The following CDKAL1 variants were observed in gnomAD, a reference collection of about 807,000 sequenced individuals.
CDKAL1 encodes threonylcarbamoyladenosine tRNA methylthiotransferase.
A neutral mutation model predicts 68.2 loss-of-function variants in CDKAL1; 32 were observed. The ratio of observed to expected loss-of-function variants is 0.47; its 90% confidence interval spans 0.35 to 0.63. The LOEUF (loss-of-function observed/expected upper bound fraction) is 0.63, where lower values mean the gene tolerates loss of function less well. CDKAL1 is among the 30% of genes least tolerant of loss of function. The pLI, the probability that CDKAL1 is intolerant of heterozygous loss-of-function variation, is 0.00. For missense variants in CDKAL1, 606 were observed against 696.7 expected (o/e 0.87, Z 1.47); for synonymous variants, 234 against 244.3 (o/e 0.96, Z 0.39).
At chr6:21,088,211 G>A (rs772318108) in intron 12 of CDKAL1, among the ~76,000 whole-genome samples, 3 of 152,066 alleles carry the variant, frequency 2.0e-5, no homozygotes, top group South Asian at 2.1e-4. Flanking sequence ...AGAGAAAAAC[G>A]GGTTCAAAAA....
chr6:20,878,466 G>A (rs1380218579), intron 9 of CDKAL1, among the ~76,000 whole-genome samples: 1 of 152,216 alleles, frequency 6.6e-6, no homozygotes, highest in Non-Finnish European at 1.5e-5. Flanking sequence ...GCGGCCAGGT[G>A]CAGTGGCTCA....
intron 8 of CDKAL1, among the ~76,000 whole-genome samples, chr6:20,798,676 C>T (rs1047566086): frequency 3.3e-5 from 5 of 149,980 alleles, no homozygotes; most frequent in Non-Finnish European, 7.4e-5. Context: ...GAAAACCAAA[C>T]ACCGCATGTT....
intron 13 of CDKAL1, among the ~76,000 whole-genome samples, chr6:21,132,580 A>G (rs758953412): frequency 3.3e-5 from 5 of 152,168 alleles, no homozygotes; most frequent in African/African-American, 4.8e-5. Flanking sequence ...ATTATCTCAC[A>G]TGCCAAGTTA....
In CDKAL1 at chr6:20,816,010, C is replaced by G. The variant is rs545708526; in HGVS notation, c.639-30065C>G. 1.4e-4 allele frequency among the ~76,000 whole-genome samples: 22 copies of G among 152,260 alleles called. No individual in the cohort carries two copies. The South Asian group carries it at 4.6e-3, about 32-fold the overall frequency. ...AGCTATAGGAGAGAATCCTTTCTTG[C>G]TGCTTCTAGCTTCTGCTCATTGCTA... On this transcript the variant is annotated intron_variant, in intron 8 of 15. Coordinates refer to ENST00000274695, the MANE Select transcript of CDKAL1 (RefSeq NM_017774.3).
intron 12 of CDKAL1, among the ~76,000 whole-genome samples, chr6:21,096,149 C>A (rs1228371005): frequency 1.3e-5 from 2 of 152,198 alleles, no homozygotes; most frequent in Non-Finnish European, 2.9e-5. Context: ...GCAGCAATAA[C>A]TGGCACAGAA....
rs373457892 is a variant in CDKAL1 at position 20,560,810 on chromosome 6, A to C, written c.286+12105A>C. On this transcript the variant is annotated intron_variant, in intron 4 of 15. Coordinates refer to ENST00000274695, the MANE Select transcript of CDKAL1 (RefSeq NM_017774.3). ...CTTTCATTGTAGCTTGGTCATTCTC[A>C]AATTTGAGTTTCTAAGGACTTTTAA... 3.9e-5 allele frequency among the ~76,000 whole-genome samples: 6 copies of C among 152,120 alleles called. No homozygotes were observed. The East Asian group carries it at 1.2e-3, about 29-fold the overall frequency.
intron 4 of CDKAL1, among the ~76,000 whole-genome samples, chr6:20,635,634 A>G (rs1404353289): frequency 2.0e-5 from 3 of 152,052 alleles, no homozygotes; most frequent in Admixed American, 6.5e-5. Context: ...TGAATTTCAG[A>G]GTTTTGGATT....
intron 8 of CDKAL1, among the ~76,000 whole-genome samples, chr6:20,844,735 G>T (rs964136687): frequency 6.6e-6 from 1 of 150,514 alleles, no homozygotes; most frequent in African/African-American, 2.4e-5. Flanking sequence ...AGAAAATATC[G>T]ACAACAGTGT....
At chr6:21,084,747 G>C (rs1352833149) in intron 12 of CDKAL1, among the ~76,000 whole-genome samples, 1 of 152,168 alleles carries the variant, frequency 6.6e-6, no homozygotes, top group African/African-American at 2.4e-5. Context: ...ATTTCCCCAT[G>C]TAAATTCCAG....
At chr6:20,852,516 C>A (rs973078525) in intron 9 of CDKAL1, among the ~76,000 whole-genome samples, 4 of 152,152 alleles carry the variant, frequency 2.6e-5, no homozygotes, top group African/African-American at 9.7e-5. Context: ...CTTTAAAAGA[C>A]ATTTTTTGGG....
intron 7 of CDKAL1, 69 bp downstream of exon 7, chr6:20,758,712 G>T (rs2820001): frequency 0.85 from 952,366 of 1,118,036 alleles, 407,335 homozygotes; most frequent in Non-Finnish European, 0.87. Flanking sequence ...CACCACTCAG[G>T]TAACTCTTGC....
chr6:21,089,444 T>A (rs549872231), intron 12 of CDKAL1, among the ~76,000 whole-genome samples: 1 of 152,074 alleles, frequency 6.6e-6, no homozygotes, highest in Non-Finnish European at 1.5e-5. Flanking sequence ...TCCACTACAT[T>A]CCAGCCTGGG....
In CDKAL1 at chr6:20,833,910, G is replaced by A. The variant is rs780929627; in HGVS notation, c.639-12165G>A. ...GGAACAGTGGTTCTCGGCATGGTCCGGAGACCAGAAGCAATAGCATCATTT... is the reference window on the plus strand; with the variant it reads ...GGAACAGTGGTTCTCGGCATGGTCCAGAGACCAGAAGCAATAGCATCATTT... On this transcript the variant is annotated intron_variant, in intron 8 of 15. Coordinates refer to ENST00000274695, the MANE Select transcript of CDKAL1 (RefSeq NM_017774.3). Among the ~76,000 whole-genome samples the A allele has an allele frequency of 5.9e-5, 9 of 152,114 alleles. No individual in the cohort carries two copies. In the South Asian group the frequency reaches 1.2e-3, roughly 21 times the overall value.
chr6:20,910,310 C>A (rs1320146633), intron 9 of CDKAL1, among the ~76,000 whole-genome samples: 1 of 152,166 alleles, frequency 6.6e-6, no homozygotes, highest in Non-Finnish European at 1.5e-5. Context: ...TGCTGCCTGA[C>A]CTTGAGAGCT....
intron 13 of CDKAL1, among the ~76,000 whole-genome samples, chr6:21,145,931 G>T (rs893129853): frequency 6.6e-6 from 1 of 152,166 alleles, no homozygotes; most frequent in African/African-American, 2.4e-5. Context: ...GCTGGTTTAT[G>T]GCTGATTCCA....
At chr6:20,853,400 A>C (rs554406319) in intron 9 of CDKAL1, among the ~76,000 whole-genome samples, 1,136 of 33,028 alleles carry the variant, frequency 0.034, 29 homozygotes, top group African/African-American at 0.052. Context: ...ACAAAAAAAA[A>C]ACAAAAAAAA....
intron 15 of CDKAL1, among the ~76,000 whole-genome samples, chr6:21,207,034 T>C (rs1410535795): frequency 6.6e-6 from 1 of 151,782 alleles, no homozygotes; most frequent in Non-Finnish European, 1.5e-5. Flanking sequence ...TACCTCAGCC[T>C]CTGGAATAGC....
rs1419435683 is a variant in CDKAL1, at chr6:20,546,517, G to A, written c.167G>A (p.Ser56Asn). ...YLQEEENSPP[S>N]DSTIPGIQKI... ...CAAGAGGAAGAAAACAGTCCACCAAGTGACAGGTAAGCTTTTTTCCTTGAA... is the reference window on the plus strand; with the variant it reads ...CAAGAGGAAGAAAACAGTCCACCAAATGACAGGTAAGCTTTTTTCCTTGAA... Residue 56 changes from serine to asparagine, a missense_variant, in exon 3 of 16, where the codon AGT (serine) becomes AAT (asparagine). Coordinates refer to ENST00000274695, the MANE Select transcript of CDKAL1 (RefSeq NM_017774.3). 1.2e-6 allele frequency: 2 copies of A among 1,612,790 alleles called. No individual in the cohort carries two copies. The highest frequency in any genetic ancestry group is 1.1e-5 in the South Asian group (1 of 90,924).
chr6:20,649,366 A>G lies in CDKAL1; in HGVS notation c.360A>G (p.Arg120=). 1 of 1,583,534 alleles carries G rather than the reference A, an allele frequency of 6.3e-7. No individual in the cohort carries two copies. The highest frequency in any genetic ancestry group is 8.6e-7 in the Non-Finnish European group (1 of 1,158,160). ...AAAACCCAGCTGAAGACCACTTTAG[A>G]AACTCAATTAAGTAAGTAGAAATTG... ...TVKNPAEDHF[R]NSIKKAQEEN... Residue 120 remains arginine, a synonymous_variant, in exon 5 of 16, where the codon AGA becomes AGG. Coordinates refer to ENST00000274695, the MANE Select transcript of CDKAL1 (RefSeq NM_017774.3).
Sources: allele counts gnomAD v4.1 joint callset (sites outside exome capture counted in the v4.1 genomes callset), GRCh38; gene constraint gnomAD v4.1.1; transcripts MANE v1.5; gene names NCBI Gene and HGNC (gene_info 2026-07-23, HGNC 2026-07-21).